Variants in FANCM observed in about 807,000 individuals in gnomAD.
FANCM encodes the protein Fanconi anemia group M protein.
In FANCM, 140 loss-of-function variants were observed where a neutral mutation model predicts 199.5. That is an observed-to-expected ratio of 0.70 (90% CI 0.61 to 0.81). FANCM has a LOEUF of 0.81. Among genes scored for constraint, FANCM ranks in the 30% least tolerant of loss-of-function variants. The pLI, the probability that FANCM is intolerant of heterozygous loss-of-function variation, is 0.00. For synonymous variants in FANCM, 840 were observed against 836.8 expected (o/e 1.00, Z -0.07); for missense variants, 2,410 against 2,421.4 (o/e 1.00, Z 0.10).
chr14:45,191,252 G>A (rs1316020815), intron 20 of FANCM, among the ~76,000 whole-genome samples: 1 of 151,992 alleles, frequency 6.6e-6, no homozygotes, highest in African/African-American at 2.4e-5. Flanking sequence ...AATTTGGTAG[G>A]GTGTGTTGGC....
chr14:45,169,084 GC>G (rs1304921435), intron 11 of FANCM, among the ~76,000 whole-genome samples: 1 of 151,692 alleles, frequency 6.6e-6, no homozygotes, highest in Non-Finnish European at 1.5e-5. Context: ...ACCACACCTG[GC>G]TCATTTTTAC....
chr14:45,170,409 C>G (rs1466855540), intron 11 of FANCM, among the ~76,000 whole-genome samples, 180 bp from the exon 12 acceptor site: 3 of 152,160 alleles, frequency 2.0e-5, no homozygotes. Flanking sequence ...AGCCTGTATT[C>G]CAGCTCCTGT....
chr14:45,151,361 G>T, intron 4 of FANCM, 36 bp from the exon 5 acceptor site: 1 of 1,598,102 alleles, frequency 6.3e-7, no homozygotes, highest in South Asian at 1.1e-5. Flanking sequence ...AAGGACTTTA[G>T]AGCAAGCTTA....
Position 45,189,066 on chromosome 14 carries a change from G to T in FANCM, c.5044G>T (p.Asp1682Tyr), listed in dbSNP as rs1448480428. Residue 1682 changes from aspartate (D) to tyrosine (Y), a missense_variant, in exon 20 of 23, where the codon GAT (aspartate) becomes TAT (tyrosine). By Grantham distance (160) the Asp-to-Tyr change is radical. Transcript: ENST00000267430. Reference sequence around the variant, plus strand: ...AAGTGAGGAGGAGAACAATGTAAATGATAAAAGAGAATCTAATATTGCGGT... The same window carrying T: ...AAGTGAGGAGGAGAACAATGTAAATTATAAAAGAGAATCTAATATTGCGGT... Reference protein sequence around the residue: ...DSSEEENNVNDKRESNIAVNP... With the variant: ...DSSEEENNVNYKRESNIAVNP... The T allele has an allele frequency of 2.5e-6, 4 of 1,614,156 alleles. No homozygotes were observed. Among genetic ancestry groups the T allele is most frequent in the Non-Finnish European group, 3.4e-6 (4 of 1,179,976 alleles).
At chr14:45,160,600 A>G (rs1489597296) in intron 9 of FANCM, among the ~76,000 whole-genome samples, 2 of 149,390 alleles carry the variant, frequency 1.3e-5, no homozygotes, top group Non-Finnish European at 3.0e-5. Context: ...GCTGGAGTGC[A>G]GTGGCACGAT....
chr14:45,167,715 T>G (rs1363791553), intron 11 of FANCM, among the ~76,000 whole-genome samples: 1 of 152,204 alleles, frequency 6.6e-6, no homozygotes, highest in Non-Finnish European at 1.5e-5. Flanking sequence ...ATATTTGCAC[T>G]ATGAAAGTGA....
At chr14:45,137,317 A>G in intron 2 of FANCM, 76 bp downstream of exon 2, 2 of 1,134,618 alleles carry the variant, frequency 1.8e-6, no homozygotes, top group South Asian at 2.5e-5. Flanking sequence ...GTTACTAGTG[A>G]TGGAAGTTAT....
In FANCM at chr14:45,175,941, A is replaced by T; in HGVS notation, c.3187A>T (p.Lys1063Ter). Residue 1063 changes from lysine to a stop codon, truncating the protein, a stop_gained, in exon 14 of 23, where the codon AAA becomes TAA. Coordinates refer to ENST00000267430, the MANE Select transcript of FANCM (RefSeq NM_020937.4). LOFTEE classifies it high-confidence loss of function. ...TAAATGTATAAATTATCCATCTGAA[A>T]AAAGTTGCCTTTATGATATACCTAA... ...SLKCINYPSE[K>*]SCLYDIPNDN... 2 of 1,613,462 alleles carry T rather than the reference A, an allele frequency of 1.2e-6. No individual in the cohort carries two copies. The highest frequency in any genetic ancestry group is 1.7e-6 in the Non-Finnish European group (2 of 1,179,570).
Position 45,176,377 on chromosome 14 carries a change from G to T in FANCM, c.3623G>T (p.Gly1208Val). The T allele has an allele frequency of 6.2e-7, 1 of 1,612,986 alleles. No individual in the cohort carries two copies. The highest frequency in any genetic ancestry group is 8.5e-7 in the Non-Finnish European group (1 of 1,179,814). ...AGTTTTAAATCTCGTGATCAGAGAG[G>T]TGTACAGGAAGAAAAAGTGAAGAAT... is the stretch of plus-strand genomic sequence containing the variant. ...ANSFKSRDQR[G>V]VQEEKVKNHE... Residue 1208 changes from glycine to valine, a missense_variant, in exon 14 of 23, where the codon GGT (glycine) becomes GTT (valine). Gly to Val is a moderately radical substitution (Grantham distance 109, BLOSUM62 -3). Transcript: ENST00000267430.
rs2139291377 is a variant in FANCM, at chr14:45,187,662, T to A, written c.4673-119T>A. The A allele has an allele frequency of 6.6e-6, 4 of 606,580 alleles. No individual in the cohort carries two copies. In the East Asian group the frequency reaches 1.1e-4, roughly 17 times the overall value. 37.6% of individuals were successfully genotyped at this position (606,580 alleles called of 1,614,324 possible). A position where few individuals can be genotyped will look rare whatever the true frequency, so the allele number is the denominator to read the frequency against. On this transcript the variant is annotated intron_variant, in intron 18 of 22. Coordinates refer to ENST00000267430, the MANE Select transcript of FANCM (RefSeq NM_020937.4). ...TATCTTTTAATATTTATTGTCTTTGTGTAAAATATTTGCACAAGGTTTGAA... is the reference window on the plus strand; with the variant it reads ...TATCTTTTAATATTTATTGTCTTTGAGTAAAATATTTGCACAAGGTTTGAA...
At chr14:45,199,566 T>TA (rs539660886) in intron 22 of FANCM, among the ~76,000 whole-genome samples, 5 of 152,216 alleles carry the variant, frequency 3.3e-5, no homozygotes, top group Non-Finnish European at 7.3e-5. Flanking sequence ...CTTTATCAAC[T>TA]AATTCTCAAA....
At chr14:45,182,163 G>T (rs1889114132) in intron 16 of FANCM, among the ~76,000 whole-genome samples, 1 of 152,156 alleles carries the variant, frequency 6.6e-6, no homozygotes, top group Non-Finnish European at 1.5e-5. Context: ...CGGGAGTTCT[G>T]GCAAGCTTCT....
rs1236513030 is a variant in FANCM, at chr14:45,159,217, G to A, written c.1518G>A (p.Met506Ile). 4 of 1,613,894 alleles carry A rather than the reference G, an allele frequency of 2.5e-6. No homozygotes were observed. The highest frequency in any genetic ancestry group is 2.7e-5 in the African/African-American group (2 of 75,026). ...AGCATCAGCCAATTATTAGAGTAAT[G>A]ACTTTTGTCGGCCATGCCTCAGGGA... ...LSQHQPIIRV[M>I]TFVGHASGKS... The change falls in exon 9 of 23, where the codon ATG becomes ATA. Residue 506 changes from methionine (M) to isoleucine (I), a missense_variant. Physicochemically the swap from Met to Ile is conservative, Grantham distance 10. Transcript: ENST00000267430.
At chr14:45,169,982 C>T (rs1007132191) in intron 11 of FANCM, among the ~76,000 whole-genome samples, 2 of 152,136 alleles carry the variant, frequency 1.3e-5, no homozygotes, top group South Asian at 2.1e-4. Context: ...TCTCAACACC[C>T]CCACCAAGCT....
Position 45,155,373 on chromosome 14 carries a change from G to A in FANCM, c.1310G>A (p.Gly437Glu). Residue 437 changes from glycine (G) to glutamate (E), a missense_variant and splice_region_variant, in exon 8 of 23, where the codon GGA becomes GAA. Coordinates refer to ENST00000267430, the MANE Select transcript of FANCM (RefSeq NM_020937.4). Reference protein sequence around the residue: ...SANGISAIQQGDKNKKFVYSH... With the variant: ...SANGISAIQQEDKNKKFVYSH... ...TTTTGATATTTTTGTTTTGTTCCAG[G>A]AGATAAAAATAAAAAATTTGTTTAT... 1 of 1,250,266 alleles carries A rather than the reference G, an allele frequency of 8.0e-7. No homozygotes were observed. The highest frequency in any genetic ancestry group is 1.2e-6 in the Non-Finnish European group (1 of 852,706). The allele number at this position is 1,250,266 out of a possible 1,614,324, so 77.4% of individuals were successfully genotyped here. A position where few individuals can be genotyped will look rare whatever the true frequency, so the allele number is the denominator to read the frequency against.
chr14:45,164,726 A>AT (rs1887845810), intron 10 of FANCM, among the ~76,000 whole-genome samples, 161 bp downstream of exon 10: 1 of 152,158 alleles, frequency 6.6e-6, no homozygotes, highest in Non-Finnish European at 1.5e-5. Context: ...AACTAGGAGA[A>AT]TTTTTGACTG....
At chr14:45,136,791 T>C (rs542340694) in intron 1 of FANCM, among the ~76,000 whole-genome samples, 2 of 152,364 alleles carry the variant, frequency 1.3e-5, no homozygotes, top group Non-Finnish European at 2.9e-5. Context: ...CCTGGCATTC[T>C]TCCTGAAAAA....
chr14:45,145,543 G>A (rs1319082937), intron 3 of FANCM, among the ~76,000 whole-genome samples: 2 of 152,160 alleles, frequency 1.3e-5, no homozygotes. Context: ...CCCAGAAACT[G>A]CACTCTCCTT....
Position 45,136,149 on chromosome 14 carries a change from G to T in FANCM, c.118G>T (p.Ala40Ser). 1 of 1,614,200 alleles carries T rather than the reference G, an allele frequency of 6.2e-7. No individual in the cohort carries two copies. The highest frequency in any genetic ancestry group is 8.5e-7 in the Non-Finnish European group (1 of 1,180,038). ...ERPQSPGSSK[A>S]PLPAAAEAQL... is the part of the protein sequence containing the mutation. ...ACCTCAGAGCCCTGGCAGCTCCAAGGCGCCTTTGCCAGCAGCAGCGGAGGC... is the reference window on the plus strand; with the variant it reads ...ACCTCAGAGCCCTGGCAGCTCCAAGTCGCCTTTGCCAGCAGCAGCGGAGGC... Residue 40 changes from alanine to serine, a missense_variant, in exon 1 of 23, where the codon GCG (alanine) becomes TCG (serine). Transcript: ENST00000267430.
Sources: gnomAD v4.1 joint callset for allele counts (sites outside exome capture counted in the v4.1 genomes callset) on GRCh38, gnomAD v4.1.1 for gene constraint, MANE v1.5 for transcripts, NCBI Gene and HGNC (gene_info 2026-07-23, HGNC 2026-07-21) for gene names.